The following PRSS12 variants were observed in gnomAD, a reference collection of about 807,000 sequenced individuals.
PRSS12 encodes the protein serine protease 12.
PRSS12 carries 85 observed loss-of-function variants against 104.4 expected under a neutral mutation model. The observed-to-expected ratio is 0.81, with a 90% confidence interval of 0.68 to 0.98. The LOEUF is 0.98. Ranked by LOEUF, PRSS12 falls within the 50% of genes least tolerant of loss-of-function variation. PRSS12 has a pLI of 0.00. For missense variants in PRSS12, 1,141 were observed against 1,139.2 expected, an observed-to-expected ratio of 1.00 and a Z score of -0.02; for synonymous variants, 454 against 425.2, an observed-to-expected ratio of 1.07 and a Z score of -0.83.
rs10030548 is a variant in PRSS12 at position 118,288,350 on chromosome 4, G to A, written c.2040-5239C>T. ...GATTGGTGATATGTGTATTACCAAA[G>A]GCTATGTTCCTAAGAGCTCTGCTCT... On this transcript the variant is annotated intron_variant, in intron 11 of 12. Coordinates refer to ENST00000296498, the MANE Select transcript of PRSS12 (RefSeq NM_003619.4). 6.8e-3 allele frequency among the ~76,000 whole-genome samples: 1,034 copies of A among 152,254 alleles called. 11 individuals are homozygous for A. Among genetic ancestry groups the A allele is most frequent in the African/African-American group, 0.023 (973 of 41,540 alleles).
At chr4:118,335,717 G>T (rs1724048279) in intron 2 of PRSS12, 66 bp from the exon 3 acceptor site, 7 of 1,440,296 alleles carry the variant, frequency 4.9e-6, no homozygotes, top group Admixed American at 1.7e-5. Flanking sequence ...AAAACATTTG[G>T]ATTTGAAAAA....
Position 118,280,868 on chromosome 4 carries a change from T to C in PRSS12, c.*1068A>G, listed in dbSNP as rs1440417207. Reference sequence around the variant, plus strand: ...GTCTCACTTTGAGGCAAGCCTGTTTTCCCCCATTTGAAAACAAGGGCTACT... The same window carrying C: ...GTCTCACTTTGAGGCAAGCCTGTTTCCCCCCATTTGAAAACAAGGGCTACT... On this transcript the variant is annotated 3_prime_UTR_variant, in exon 13 of 13. Transcript: ENST00000296498. 1 of 152,214 alleles carries C rather than the reference T, an allele frequency of 6.6e-6. No homozygotes were observed. The highest frequency in any genetic ancestry group is 2.4e-5 in the African/African-American group (1 of 41,440). 9.4% of individuals were successfully genotyped at this position (152,214 alleles called of 1,614,324 possible).
intron 8 of PRSS12, among the ~76,000 whole-genome samples, chr4:118,301,304 T>G (rs974908359): frequency 6.6e-6 from 1 of 152,222 alleles, no homozygotes; most frequent in Non-Finnish European, 1.5e-5. Flanking sequence ...AGAATTGCCT[T>G]TGAAAACACT....
rs544741516 is a variant in PRSS12, at chr4:118,350,628, G to T, written c.502+1591C>A. The stretch of plus-strand genomic sequence containing the variant: ...TTGGGATTTTGTCTGGTGAGAGTTA[G>T]CTAGGAACATAAAGGCATTCAAAAG... On this transcript the variant is annotated intron_variant, in intron 1 of 12. Coordinates refer to ENST00000296498, the MANE Select transcript of PRSS12 (RefSeq NM_003619.4). Among the ~76,000 whole-genome samples, 95 of 152,278 alleles carry T rather than the reference G, an allele frequency of 6.2e-4. 1 individual carries two copies. Among genetic ancestry groups the T allele is most frequent in the South Asian group, 3.1e-3 (15 of 4,822 alleles).
intron 11 of PRSS12, among the ~76,000 whole-genome samples, chr4:118,286,618 C>T (rs541010173): frequency 6.6e-6 from 1 of 152,240 alleles, no homozygotes; most frequent in South Asian, 2.1e-4. Flanking sequence ...GTGCTTGGCA[C>T]AGAGAAAGCG....
intron 1 of PRSS12, among the ~76,000 whole-genome samples, chr4:118,342,091 G>C (rs1724228304): frequency 6.6e-6 from 1 of 152,130 alleles, no homozygotes; most frequent in South Asian, 2.1e-4. Context: ...AAGCTGATTT[G>C]TCCCACAGCT....
rs191625080 is a variant in PRSS12, at chr4:118,289,155, A to G, written c.2039+5784T>C. Among the ~76,000 whole-genome samples the G allele has an allele frequency of 9.8e-5, 15 of 152,338 alleles. No homozygotes were observed. The East Asian group carries it at 2.5e-3, about 25-fold the overall frequency. On this transcript the variant is annotated intron_variant, in intron 11 of 12. Coordinates refer to ENST00000296498, the MANE Select transcript of PRSS12 (RefSeq NM_003619.4). The stretch of plus-strand genomic sequence containing the variant: ...TTGATCTCATCCTCATCAGGCCACC[A>G]TTCCTAGATTATTCTGATACAAAGA...
chr4:118,282,036 AC>A lies in PRSS12; in HGVS notation c.2527del (p.Val843Ter). The A allele has an allele frequency of 6.2e-7, 1 of 1,613,950 alleles. No homozygotes were observed. The highest frequency in any genetic ancestry group is 8.5e-7 in the Non-Finnish European group (1 of 1,179,916). On this transcript the variant is annotated frameshift_variant, in exon 13 of 13. Coordinates refer to ENST00000296498, the MANE Select transcript of PRSS12 (RefSeq NM_003619.4). LOFTEE classifies it high-confidence loss of function. ...TCCACAGCCATACCCCCAGGAGGTCACCCCATACACCACCCAGCTCTCTCCG... is the reference window on the plus strand; with the variant it reads ...TCCACAGCCATACCCCCAGGAGGTCACCCATACACCACCCAGCTCTCTCCG... ...RPGESWVVYG[V>X]TSWGYGCGVK...
intron 1 of PRSS12, among the ~76,000 whole-genome samples, chr4:118,342,363 G>A (rs567963672): frequency 6.6e-6 from 1 of 151,892 alleles, no homozygotes; most frequent in Non-Finnish European, 1.5e-5. Context: ...CTCACCTTCC[G>A]CCCACATTCT....
chr4:118,317,723 T>A (rs1367705169), intron 5 of PRSS12, among the ~76,000 whole-genome samples: 3 of 152,222 alleles, frequency 2.0e-5, no homozygotes, highest in African/African-American at 7.2e-5. Context: ...AGTTATTGAT[T>A]TTCACTAAAG....
rs776249308 is a variant in PRSS12, at chr4:118,316,306, C to T, written c.1168G>A (p.Ala390Thr). The T allele has an allele frequency of 6.2e-6, 10 of 1,614,020 alleles. No homozygotes were observed. Among genetic ancestry groups the T allele is most frequent in the Non-Finnish European group, 8.5e-6 (10 of 1,179,992 alleles). The change falls in exon 6 of 13, where the codon GCA becomes ACA. Residue 390 changes from alanine to threonine, a missense_variant. Coordinates refer to ENST00000296498, the MANE Select transcript of PRSS12 (RefSeq NM_003619.4). Reference sequence around the variant, plus strand: ...CCCTCATGGCTGCCTTTCCCACCTGCAAGTCTGATGACCCCATCTGTGATA... The same window carrying T: ...CCCTCATGGCTGCCTTTCCCACCTGTAAGTCTGATGACCCCATCTGTGATA... Reference protein sequence around the residue: ...TPLTDGVIRLAGGKGSHEGRL... With the variant: ...TPLTDGVIRLTGGKGSHEGRL...
rs1226921573 is a variant in PRSS12, at chr4:118,282,876, G to A, written c.2275C>T (p.Gln759Ter). Reference protein sequence around the residue: ...ACLPLWRERPQKTASNCYITG... With the variant: ...ACLPLWRERP ...ATGTAACAGTTGGATGCTGTTTTCT[G>A]TGGCCTCTCTCTCCAGAGTGGTAAA... Residue 759 changes from glutamine to a stop codon, truncating the protein, a stop_gained, in exon 12 of 13, where the codon CAG (glutamine) becomes TAG (stop). Transcript: ENST00000296498. LOFTEE classifies it high-confidence loss of function. The A allele has an allele frequency of 3.1e-6, 5 of 1,614,174 alleles. No homozygotes were observed. The highest frequency in any genetic ancestry group is 4.2e-6 in the Non-Finnish European group (5 of 1,180,038).
intron 6 of PRSS12, among the ~76,000 whole-genome samples, chr4:118,315,794 T>C (rs560355388): frequency 3.3e-5 from 5 of 152,234 alleles, no homozygotes; most frequent in Non-Finnish European, 5.9e-5. Flanking sequence ...AATAATGTAA[T>C]ACCAAAGCAT....
chr4:118,347,248 G>A (rs181984402), intron 1 of PRSS12, among the ~76,000 whole-genome samples: 14 of 152,270 alleles, frequency 9.2e-5, no homozygotes, highest in African/African-American at 3.4e-4. Context: ...CTGCTACATA[G>A]AACCAAGATG....
At chr4:118,316,064 C>G in intron 6 of PRSS12, 118 bp downstream of exon 6, 2 of 1,113,892 alleles carry the variant, frequency 1.8e-6, no homozygotes, top group African/African-American at 3.1e-5. Flanking sequence ...CTTCCATACA[C>G]AGGTAGGAGA....
In PRSS12 at chr4:118,352,913, C is replaced by A. The variant is rs1325848449; in HGVS notation, c.-193G>T. ...TGCCCTGCCGCGCCTCGGCTCCTGT[C>A]CCCTGGCGGCGGCCGCGGGTGGGGA... On this transcript the variant is annotated 5_prime_UTR_variant, in exon 1 of 13. Transcript: ENST00000296498. 5 of 1,349,990 alleles carry A rather than the reference C, an allele frequency of 3.7e-6. No individual in the cohort carries two copies. The highest frequency in any genetic ancestry group is 3.8e-6 in the Non-Finnish European group (4 of 1,046,948). The allele number at this position is 1,349,990 out of a possible 1,614,324, so 83.6% of individuals were successfully genotyped here. A position where few individuals can be genotyped will look rare whatever the true frequency, so the allele number is the denominator to read the frequency against.
In PRSS12 at chr4:118,281,613, C is replaced by T; in HGVS notation, c.*323G>A. 2.7e-6 allele frequency: 1 copy of T among 369,694 alleles called. No homozygotes were observed. The highest frequency in any genetic ancestry group is 5.1e-6 in the Non-Finnish European group (1 of 195,008). 22.9% of individuals were successfully genotyped at this position (369,694 alleles called of 1,614,324 possible). ...CACTGATTCAATTAAAAGGGGTTCT[C>T]AGTTCAAATGTAAAAATGATCTTTT... is the stretch of plus-strand genomic sequence containing the variant. On this transcript the variant is annotated 3_prime_UTR_variant, in exon 13 of 13. Transcript: ENST00000296498.
intron 4 of PRSS12, among the ~76,000 whole-genome samples, chr4:118,322,911 G>A (rs375461325): frequency 1.8e-4 from 27 of 151,432 alleles, no homozygotes; most frequent in Admixed American, 1.3e-3. Context: ...TTTTATAAAC[G>A]CCAGGAAAAA....
chr4:118,323,416 G>A (rs1189327459), intron 4 of PRSS12, among the ~76,000 whole-genome samples: 1 of 150,174 alleles, frequency 6.7e-6, no homozygotes, highest in African/African-American at 2.5e-5. Flanking sequence ...ATCCCAAAGT[G>A]ATAACAAAAA....
Sources: gnomAD v4.1 joint callset for allele counts (sites outside exome capture counted in the v4.1 genomes callset) on GRCh38, gnomAD v4.1.1 for gene constraint, MANE v1.5 for transcripts, NCBI Gene and HGNC (gene_info 2026-07-23, HGNC 2026-07-21) for gene names.